SEMA5A: variants seen among roughly 807,000 people sequenced by gnomAD.
The protein encoded by SEMA5A is semaphorin-5A.
A neutral mutation model predicts 135.5 loss-of-function variants in SEMA5A; 55 were observed. That is an observed-to-expected ratio of 0.41 (90% CI 0.33 to 0.51). The LOEUF is 0.51. SEMA5A is among the 20% of genes least tolerant of loss of function. The pLI is 0.37. For synonymous variants in SEMA5A, 580 were observed against 546.5 expected (o/e 1.06, Z -0.85); for missense variants, 1,290 against 1,419.9 (o/e 0.91, Z 1.47).
chr5:9,322,361 T>A (rs992166436), intron 4 of SEMA5A, among the ~76,000 whole-genome samples: 1 of 151,678 alleles, frequency 6.6e-6, no homozygotes, highest in African/African-American at 2.4e-5. Context: ...AGGTATTCAA[T>A]AGGGGAAAGG....
At chr5:9,496,612 T>C (rs1735315148) in intron 1 of SEMA5A, among the ~76,000 whole-genome samples, 2 of 152,164 alleles carry the variant, frequency 1.3e-5, no homozygotes, top group Admixed American at 6.5e-5. Context: ...ATATGTCTAA[T>C]TCAACCCAGC....
At chr5:9,302,069 C>T (rs996302482) in intron 5 of SEMA5A, among the ~76,000 whole-genome samples, 3 of 152,086 alleles carry the variant, frequency 2.0e-5, no homozygotes, top group African/African-American at 7.2e-5. Flanking sequence ...CTCTCAAATC[C>T]ATCTTCACAT....
At chr5:9,473,836 T>C (rs171992) in intron 1 of SEMA5A, among the ~76,000 whole-genome samples, 125,631 of 152,084 alleles carry the variant, frequency 0.83, 51,995 homozygotes, top group Admixed American at 0.85. Context: ...AAGCCATGTG[T>C]TCTCATGAGC....
chr5:9,384,229 C>G (rs753270744), intron 2 of SEMA5A, among the ~76,000 whole-genome samples: 5 of 152,034 alleles, frequency 3.3e-5, no homozygotes, highest in Non-Finnish European at 7.4e-5. Flanking sequence ...ATAGACTCAG[C>G]TCTAAATAGC....
intron 3 of SEMA5A, among the ~76,000 whole-genome samples, chr5:9,348,940 A>T (rs905439147): frequency 1.9e-4 from 29 of 152,244 alleles, no homozygotes; most frequent in African/African-American, 6.5e-4. Flanking sequence ...GCTTTAAGAC[A>T]ATAAATCATT....
chr5:9,291,470 G>A (rs1360840817), intron 5 of SEMA5A, among the ~76,000 whole-genome samples: 1 of 152,132 alleles, frequency 6.6e-6, no homozygotes, highest in Admixed American at 6.6e-5. Flanking sequence ...GTCTCTTGAA[G>A]GCAGGTGCCA....
At chr5:9,082,390 CTA>C (rs1738437135) in intron 16 of SEMA5A, among the ~76,000 whole-genome samples, 1 of 152,160 alleles carries the variant, frequency 6.6e-6, no homozygotes, top group Non-Finnish European at 1.5e-5. Context: ...CAGTGACTAC[CTA>C]AGACAGAAAG....
intron 5 of SEMA5A, among the ~76,000 whole-genome samples, chr5:9,290,492 C>T (rs1041708174): frequency 6.6e-6 from 1 of 152,066 alleles, no homozygotes; most frequent in Non-Finnish European, 1.5e-5. Flanking sequence ...TATTGTGCTG[C>T]TATATTGCAT....
At chr5:9,335,295 A>G (rs1753338885) in intron 4 of SEMA5A, among the ~76,000 whole-genome samples, 1 of 152,186 alleles carries the variant, frequency 6.6e-6, no homozygotes, top group Non-Finnish European at 1.5e-5. Context: ...GGACTCTGGG[A>G]TGAAGACCTC....
chr5:9,141,785 T>C (rs777217908), intron 12 of SEMA5A, among the ~76,000 whole-genome samples: 1 of 152,228 alleles, frequency 6.6e-6, no homozygotes, highest in Admixed American at 6.5e-5. Flanking sequence ...ATATTTTCAC[T>C]GTATTTCTGA....
At chr5:9,533,295 C>T (rs1049809984) in intron 1 of SEMA5A, among the ~76,000 whole-genome samples, 1 of 152,126 alleles carries the variant, frequency 6.6e-6, no homozygotes, top group Non-Finnish European at 1.5e-5. Flanking sequence ...CTCCTAGTTA[C>T]AACATTGGCT....
At chr5:9,454,261 A>G (rs889906870) in intron 1 of SEMA5A, among the ~76,000 whole-genome samples, 3 of 152,184 alleles carry the variant, frequency 2.0e-5, no homozygotes, top group African/African-American at 7.2e-5. Flanking sequence ...TCATTACATA[A>G]TGTGAACCAG....
At chr5:9,490,039 A>G (rs1734923253) in intron 1 of SEMA5A, among the ~76,000 whole-genome samples, 1 of 152,220 alleles carries the variant, frequency 6.6e-6, no homozygotes, top group African/African-American at 2.4e-5. Flanking sequence ...AATGATTCTT[A>G]TCTACTCCCC....
intron 11 of SEMA5A, among the ~76,000 whole-genome samples, chr5:9,169,205 T>C (rs1162618881): frequency 6.6e-6 from 1 of 152,228 alleles, no homozygotes; most frequent in Non-Finnish European, 1.5e-5. Context: ...AGGGTAACTG[T>C]GTGACCTCCT....
In SEMA5A at chr5:9,316,719, G is replaced by A. The variant is rs1276716410; in HGVS notation, c.270+1653C>T. On this transcript the variant is annotated intron_variant, in intron 5 of 22. Coordinates refer to ENST00000382496, the MANE Select transcript of SEMA5A (RefSeq NM_003966.3). Reference sequence around the variant, plus strand: ...TGTACAACATGTCACTTTGATATACGTATACGTTGTGGAATGGCTAAATCA... The same window carrying A: ...TGTACAACATGTCACTTTGATATACATATACGTTGTGGAATGGCTAAATCA... Among the ~76,000 whole-genome samples the A allele has an allele frequency of 3.9e-5, 6 of 151,928 alleles. No individual in the cohort carries two copies. In the South Asian group the frequency reaches 6.2e-4, roughly 16 times the overall value.
chr5:9,451,825 T>C (rs6867962), intron 1 of SEMA5A, among the ~76,000 whole-genome samples: 91,721 of 151,998 alleles, frequency 0.6, 29,371 homozygotes, highest in Non-Finnish European at 0.71. Flanking sequence ...CTTCCCCGTC[T>C]TCTTTCCTGC....
intron 2 of SEMA5A, among the ~76,000 whole-genome samples, chr5:9,430,110 C>A (rs917010595): frequency 2.6e-5 from 4 of 152,146 alleles, no homozygotes; most frequent in African/African-American, 9.7e-5. Flanking sequence ...AAACGAACAA[C>A]AATAAGATTT....
intron 6 of SEMA5A, among the ~76,000 whole-genome samples, chr5:9,231,399 G>A (rs769075048): frequency 6.0e-5 from 9 of 149,678 alleles, no homozygotes; most frequent in South Asian, 2.1e-4. Flanking sequence ...CTCAGGAGGC[G>A]GAGCTTACAG....
intron 4 of SEMA5A, among the ~76,000 whole-genome samples, chr5:9,331,484 T>C (rs999325184): frequency 1.3e-5 from 2 of 152,174 alleles, no homozygotes; most frequent in African/African-American, 4.8e-5. Flanking sequence ...CAACTCAATG[T>C]AAATAGTAAA....
Sources: gnomAD v4.1 joint callset for allele counts (sites outside exome capture counted in the v4.1 genomes callset) on GRCh38, gnomAD v4.1.1 for gene constraint, MANE v1.5 for transcripts, NCBI Gene and HGNC (gene_info 2026-07-23, HGNC 2026-07-21) for gene names.